DHCR7: variants seen among roughly 807,000 people sequenced by gnomAD.
DHCR7 encodes the protein 7-dehydrocholesterol reductase.
DHCR7 carries 40 observed loss-of-function variants against 43.3 expected under a neutral mutation model. The observed-to-expected ratio is 0.92, with a 90% CI of 0.72 to 1.20. The LOEUF (loss-of-function observed/expected upper bound fraction) is 1.20. DHCR7 is among the 50% of genes most tolerant of loss of function. The probability of loss-of-function intolerance (pLI) is 0.00; values close to 1 mark genes in which losing one functional copy is unlikely to be tolerated. For missense variants in DHCR7, 608 were observed against 644.6 expected (o/e 0.94, Z 0.62); for synonymous variants, 298 against 271.4 (o/e 1.10, Z -0.96).
intron 2 of DHCR7, 150 bp from the exon 3 acceptor site, chr11:71,445,108 G>A (rs999429906): frequency 2.9e-6 from 2 of 695,962 alleles, no homozygotes; most frequent in South Asian, 1.7e-5. Context: ...ATTCCAGGCA[G>A]GGAAGAGATC....
chr11:71,435,778 A>G lies in DHCR7; in HGVS notation c.1025T>C (p.Leu342Pro), dbSNP rs199957106. The change falls in exon 9 of 9, where the codon CTG becomes CCG. Residue 342 changes from leucine (L) to proline (P), a missense_variant. Physicochemically the swap from Leu to Pro is moderately conservative, Grantham distance 98 (BLOSUM62 -3). Coordinates refer to ENST00000355527, the MANE Select transcript of DHCR7 (RefSeq NM_001360.3). The stretch of plus-strand genomic sequence containing the variant: ...GATGTAGTAGCCCACCAGGCCCAGC[A>G]GCAGGACGCCCACGGCGTGCGGGGT... ...LSTPHAVGVL[L>P]LGLVGYYIFR... is the part of the protein sequence containing the mutation. The G allele has an allele frequency of 1.2e-6, 2 of 1,609,300 alleles. No homozygotes were observed. The highest frequency in any genetic ancestry group is 4.5e-5 in the East Asian group (2 of 44,760).
intron 7 of DHCR7, 31 bp from the exon 8 acceptor site, chr11:71,437,974 C>T (rs368017833): frequency 4.3e-6 from 7 of 1,609,454 alleles, no homozygotes; most frequent in Non-Finnish European, 5.1e-6. Flanking sequence ...CTGACCACCC[C>T]CGGCCCTCCT....
Position 71,444,827 on chromosome 11 carries a change from T to C in DHCR7, c.98+28A>G, listed in dbSNP as rs577310427. On this transcript the variant is annotated intron_variant, in intron 3 of 8. Transcript: ENST00000355527. ...AGCTCTGAGACCACACTTTACTTTC[T>C]AGCTGGGAGAACAGGCAAGATCCTT... 2.4e-5 allele frequency: 38 copies of C among 1,597,756 alleles called. No homozygotes were observed. The South Asian group carries it at 3.6e-4, about 15-fold the overall frequency.
intron 6 of DHCR7, among the ~76,000 whole-genome samples, chr11:71,439,470 T>C (rs1248449678): frequency 1.3e-5 from 2 of 152,200 alleles, no homozygotes; most frequent in African/African-American, 2.4e-5. Context: ...GCACTGAGAT[T>C]ACGTTCTGGG....
At chr11:71,442,566 G>A (rs1394886969) in intron 4 of DHCR7, among the ~76,000 whole-genome samples, 1 of 152,150 alleles carries the variant, frequency 6.6e-6, no homozygotes, top group Admixed American at 6.5e-5. Flanking sequence ...TTCTCCCCCA[G>A]GGCTCCATTC....
At chr11:71,443,694 C>T (rs1021169840) in intron 4 of DHCR7, among the ~76,000 whole-genome samples, 11 of 152,194 alleles carry the variant, frequency 7.2e-5, no homozygotes. Context: ...GACAGCACTG[C>T]CCTCCCACGG....
rs1199302266 is a variant in DHCR7, at chr11:71,434,672, G to A, written c.*703C>T. On this transcript the variant is annotated 3_prime_UTR_variant, in exon 9 of 9. Coordinates refer to ENST00000355527, the MANE Select transcript of DHCR7 (RefSeq NM_001360.3). ...AAGCAGAAAATTCTTTCGAGAGGGTGGGCGCTCACAGGGAATCGGGAAGCA... is the reference window on the plus strand; with the variant it reads ...AAGCAGAAAATTCTTTCGAGAGGGTAGGCGCTCACAGGGAATCGGGAAGCA... The A allele has an allele frequency of 5.9e-6, 1 of 169,674 alleles. No individual in the cohort carries two copies. The highest frequency in any genetic ancestry group is 2.4e-5 in the African/African-American group (1 of 41,660). The allele number at this position is 169,674 out of a possible 1,614,324, so 10.5% of individuals were successfully genotyped here.
chr11:71,446,259 T>TAAAAAAAAA (rs1949401997), intron 2 of DHCR7, among the ~76,000 whole-genome samples: 1 of 11,240 alleles, frequency 8.9e-5, no homozygotes. Flanking sequence ...CCTTACCAAA[T>TAAAAAAAAA]GAAAAAAAAA....
chr11:71,445,798 T>A (rs964633610), intron 2 of DHCR7, among the ~76,000 whole-genome samples: 1 of 152,224 alleles, frequency 6.6e-6, no homozygotes, highest in African/African-American at 2.4e-5. Flanking sequence ...AGCTTTAAAA[T>A]ATCTGAGATT....
chr11:71,442,659 A>G (rs1949361988), intron 4 of DHCR7, among the ~76,000 whole-genome samples: 1 of 152,016 alleles, frequency 6.6e-6, no homozygotes, highest in African/African-American at 2.4e-5. Flanking sequence ...TTATATATAT[A>G]TATAAATCTA....
At chr11:71,433,496 G>A (rs1189081554), downstream of DHCR7, among the ~76,000 whole-genome samples, 2 of 152,220 alleles carry the variant, frequency 1.3e-5, no homozygotes, top group Non-Finnish European at 2.9e-5. Flanking sequence ...TTCAGAGGCA[G>A]GTCCACATCT....
At chr11:71,433,598 A>G (rs1949241787), downstream of DHCR7, among the ~76,000 whole-genome samples, 1 of 152,230 alleles carries the variant, frequency 6.6e-6, no homozygotes, top group Non-Finnish European at 1.5e-5. Flanking sequence ...CAAAAGAGGA[A>G]GCTGAGACAC....
chr11:71,447,946 A>G (rs1432021047), intron 1 of DHCR7: 1 of 152,578 alleles, frequency 6.6e-6, no homozygotes, highest in African/African-American at 2.4e-5. Flanking sequence ...GAGGCGAACA[A>G]CAGGTGGGGC....
downstream of DHCR7, among the ~76,000 whole-genome samples, chr11:71,431,943 C>A (rs886492400): frequency 1.5e-4 from 23 of 152,170 alleles, no homozygotes; most frequent in African/African-American, 5.3e-4. Flanking sequence ...CCTGCCTCAG[C>A]CTCCTGAATA....
At chr11:71,439,233 C>G in intron 6 of DHCR7, 150 bp from the exon 7 acceptor site, 2 of 740,416 alleles carry the variant, frequency 2.7e-6, no homozygotes, top group South Asian at 1.7e-5. Flanking sequence ...GCCGCTGGGA[C>G]CCCCACGGCT....
chr11:71,430,427 C>T (rs1209079801), downstream of DHCR7, among the ~76,000 whole-genome samples: 3 of 152,220 alleles, frequency 2.0e-5, no homozygotes, highest in Non-Finnish European at 1.5e-5. Flanking sequence ...TTGCAGCACC[C>T]AGGTGAGGGT....
Position 71,435,435 on chromosome 11 carries a change from G to C in DHCR7, c.1368C>G (p.Gly456=), listed in dbSNP as rs144562471. The change falls in exon 9 of 9, where the codon GGC becomes GGG. Residue 456 remains glycine (G), a synonymous_variant. Coordinates refer to ENST00000355527, the MANE Select transcript of DHCR7 (RefSeq NM_001360.3). ...CGGCGGTGTAGCGCTCCCAGTCCCG[G>C]CCGTACTTGCTGGCGCAGCGGTGCT... ...RDEHRCASKY[G]RDWERYTAAV... 3 of 1,612,632 alleles carry C rather than the reference G, an allele frequency of 1.9e-6. No individual in the cohort carries two copies. In the African/African-American group the frequency reaches 4.0e-5, roughly 22 times the overall value.
At chr11:71,435,925 T>A in intron 8 of DHCR7, 86 bp from the exon 9 acceptor site, 1 of 1,130,170 alleles carries the variant, frequency 8.8e-7, no homozygotes, top group Non-Finnish European at 1.3e-6. Context: ...CGGCCTGGGG[T>A]CAAACCCCAG....
chr11:71,444,241 C>T (rs1390313154), intron 3 of DHCR7, 26 bp from the exon 4 acceptor site: 1 of 1,547,724 alleles, frequency 6.5e-7, no homozygotes, highest in Non-Finnish European at 8.8e-7. Flanking sequence ...CAGGCAGTCA[C>T]ACTGGGGCCC....
Sources: gnomAD v4.1 joint callset for allele counts (sites outside exome capture counted in the v4.1 genomes callset) on GRCh38, gnomAD v4.1.1 for gene constraint, MANE v1.5 for transcripts, NCBI Gene and HGNC (gene_info 2026-07-23, HGNC 2026-07-21) for gene names.